LCORL: variants seen among roughly 807,000 people sequenced by gnomAD.
The protein encoded by LCORL is ligand-dependent nuclear receptor corepressor-like protein.
In LCORL, 41 loss-of-function variants were observed where a neutral mutation model predicts 141.8. The ratio of observed to expected loss-of-function variants is 0.29; its 90% CI spans 0.23 to 0.38. The LOEUF is 0.38. LCORL is among the 10% of genes least tolerant of loss of function. The pLI is 1.00. For missense variants in LCORL, 1,759 were observed against 2,035.0 expected (o/e 0.86, Z 2.61); for synonymous variants, 618 against 694.1 (o/e 0.89, Z 1.72).
intron 4 of LCORL, among the ~76,000 whole-genome samples, chr4:17,945,083 T>A (rs528116311): frequency 6.6e-6 from 1 of 152,238 alleles, no homozygotes; most frequent in South Asian, 2.1e-4. Context: ...AATTATAGAT[T>A]CCTTATATCT....
rs748541406 is a variant in LCORL, at chr4:18,021,710, AGCGGCGGCGGCAGCG to A, written c.27_41del (p.Ala18_Ala22del). The A allele has an allele frequency of 6.6e-7, 1 of 1,523,648 alleles. No individual in the cohort carries two copies. Among genetic ancestry groups the A allele is most frequent in the Non-Finnish European group, 8.8e-7 (1 of 1,134,472 alleles). The allele number at this position is 1,523,648 out of a possible 1,614,324, so 94.4% of individuals were successfully genotyped here. A position where few individuals can be genotyped will look rare whatever the true frequency, so the allele number is the denominator to read the frequency against. On this transcript the variant is annotated inframe_deletion, in exon 1 of 8. Coordinates refer to ENST00000635767, the Ensembl canonical transcript of LCORL. This position sits in a 1 kb window ranked among gnomAD's most constrained non-coding sequence, Gnocchi z 5.5. ...GAGCGGCGGCGGCGGCGGCGGCAGC[AGCGGCGGCGGCAGCG>A]GCCATTCTCTCTCTTCCCTTGTCCA...
chr4:17,922,106 T>C (rs577671175), intron 4 of LCORL, among the ~76,000 whole-genome samples: 54 of 152,248 alleles, frequency 3.5e-4, no homozygotes, highest in Admixed American at 1.6e-3. Context: ...CAACTTGTGA[T>C]TGTGTGAGTC....
chr4:17,973,572 C>T (rs1716380473), intron 1 of LCORL, among the ~76,000 whole-genome samples: 1 of 151,534 alleles, frequency 6.6e-6, no homozygotes, highest in Admixed American at 6.6e-5. Flanking sequence ...CAATCAACTA[C>T]AGACATCCAA....
chr4:17,922,826 C>T (rs1734507974), intron 4 of LCORL, among the ~76,000 whole-genome samples: 1 of 152,136 alleles, frequency 6.6e-6, no homozygotes, highest in Non-Finnish European at 1.5e-5. Context: ...TTCTGATGAG[C>T]TTTTAGTCAG....
intron 4 of LCORL, among the ~76,000 whole-genome samples, chr4:17,920,579 CCTCTGTAGCATG>C (rs1734126795): frequency 6.6e-6 from 1 of 152,130 alleles, no homozygotes; most frequent in African/African-American, 2.4e-5. Context: ...AGGAAACATT[CCTCTGTAGCATG>C]TGATGCTATT....
At position 18,021,552 on chromosome 4, in the gene LCORL, G is replaced by A. The variant is rs1051049171; in HGVS notation, c.154+46C>T. The A allele has an allele frequency of 1.5e-5, 23 of 1,485,588 alleles. No homozygotes were observed. Among genetic ancestry groups the A allele is most frequent in the Admixed American group, 2.3e-5 (1 of 43,664 alleles). 92.0% of individuals were successfully genotyped at this position (1,485,588 alleles called of 1,614,324 possible). The stretch of plus-strand genomic sequence containing the variant: ...GCCACAAACTCCTCGGGCTGCGACA[G>A]CGGTCGCCGCGCGGAGCCCGGGGCC... On this transcript the variant is annotated intron_variant, in intron 1 of 7. Coordinates refer to ENST00000635767, the Ensembl canonical transcript of LCORL. The surrounding 1 kb of genome is among the most constrained non-coding windows in gnomAD (Gnocchi z 5.5).
chr4:18,014,062 TCTCCCAAAGTGCTAGGATTAC>T (rs1724243460), intron 1 of LCORL, among the ~76,000 whole-genome samples: 1 of 151,986 alleles, frequency 6.6e-6, no homozygotes, highest in African/African-American at 2.4e-5. Flanking sequence ...CCTGCCTCAG[TCTCCCAAAGTGCTAGGATTAC>T]AGGGATGGGC....
chr4:17,902,260 G>C (rs1332680897), intron 5 of LCORL, among the ~76,000 whole-genome samples: 2 of 152,130 alleles, frequency 1.3e-5, no homozygotes, highest in Non-Finnish European at 2.9e-5. Flanking sequence ...TTCAGCAGGA[G>C]AGCGTAGGCC....
chr4:17,911,874 G>T, intron 4 of LCORL: 1 of 474,786 alleles, frequency 2.1e-6, no homozygotes, highest in South Asian at 1.7e-5. Flanking sequence ...CCGTGGGGAT[G>T]GCCGGGGGTC....
chr4:17,891,504 C>T lies in LCORL; in HGVS notation c.683-5343G>A, dbSNP rs563820455. Among the ~76,000 whole-genome samples the T allele has an allele frequency of 5.8e-4, 88 of 152,042 alleles. 3 individuals are homozygous for T. In the South Asian group the frequency reaches 0.017, roughly 29 times the overall value. ...TAGATTGTACAATTTTTTAAAAACA[C>T]TAAATATTTAAAAAATGGTTACATA... On this transcript the variant is annotated intron_variant, in intron 5 of 7. Transcript: ENST00000635767.
exon 8 of LCORL, chr4:17,842,801 G>C (rs973847803): frequency 1.2e-5 from 2 of 167,814 alleles, no homozygotes; most frequent in African/African-American, 2.4e-5. Flanking sequence ...TGTTAGAGCT[G>C]AAAGTTGGTA....
chr4:17,871,765 ACATGG>A (rs1222436438), intron 7 of LCORL, among the ~76,000 whole-genome samples: 1 of 151,446 alleles, frequency 6.6e-6, no homozygotes, highest in Admixed American at 6.6e-5. Flanking sequence ...CTTTTTCCTG[ACATGG>A]CATTTGATAT....
intron 7 of LCORL, among the ~76,000 whole-genome samples, chr4:17,847,722 C>G (rs909119368): frequency 1.5e-4 from 23 of 152,032 alleles, no homozygotes; most frequent in Non-Finnish European, 3.1e-4. Flanking sequence ...CCTCAGGGAC[C>G]TCATTTTTGT....
intron 4 of LCORL, among the ~76,000 whole-genome samples, chr4:17,951,262 C>A (rs927780188): frequency 6.6e-5 from 10 of 152,134 alleles, no homozygotes; most frequent in African/African-American, 2.4e-4. Context: ...TATTTGTTTA[C>A]ACTATAGTAC....
intron 4 of LCORL, among the ~76,000 whole-genome samples, chr4:17,918,038 T>C (rs1216069473): frequency 3.3e-5 from 5 of 152,212 alleles, no homozygotes; most frequent in Admixed American, 3.3e-4. Flanking sequence ...GGAGCCCCCA[T>C]GGCAAACACT....
intron 7 of LCORL, among the ~76,000 whole-genome samples, chr4:17,858,631 G>A (rs557515295): frequency 3.1e-4 from 47 of 151,944 alleles, no homozygotes; most frequent in Non-Finnish European, 5.4e-4. Context: ...GGGAGGCTGA[G>A]GCAGGAGAAT....
At chr4:17,927,470 G>A (rs1735330452) in intron 4 of LCORL, among the ~76,000 whole-genome samples, 1 of 152,182 alleles carries the variant, frequency 6.6e-6, no homozygotes, top group Non-Finnish European at 1.5e-5. Context: ...TGCAGAAACT[G>A]TTCGATGCAA....
In LCORL at chr4:17,939,879, T is replaced by TACACACACACACACACACACACAC. The variant is rs143670453; in HGVS notation, c.430+22023_430+22024insGTGTGTGTGTGTGTGTGTGTGTGT. Among the ~76,000 whole-genome samples the TACACACACACACACACACACACAC allele has an allele frequency of 1.4e-4, 21 of 147,804 alleles. 1 individual carries two copies. Among genetic ancestry groups the TACACACACACACACACACACACAC allele is most frequent in the African/African-American group, 5.3e-4 (21 of 39,476 alleles). On this transcript the variant is annotated intron_variant, in intron 4 of 7. Transcript: ENST00000635767. ...CCTGGGGAAAAGGAATAGGTACATG[T>TACACACACACACACACACACACAC]ACACACACACACACATATATGTATA... is the stretch of plus-strand genomic sequence containing the variant.
intron 1 of LCORL, among the ~76,000 whole-genome samples, chr4:18,007,365 TTTC>T (rs1722987600): frequency 1.3e-5 from 2 of 152,200 alleles, no homozygotes; most frequent in Admixed American, 1.3e-4. Flanking sequence ...TGCTTACATG[TTTC>T]TTCATGATTC....
Sources: gnomAD v4.1 joint callset for allele counts (sites outside exome capture counted in the v4.1 genomes callset) on GRCh38, gnomAD v4.1.1 for gene constraint, Gnocchi (gnomAD v3.1) non-coding constraint, MANE v1.5 for transcripts, NCBI Gene and HGNC (gene_info 2026-07-23, HGNC 2026-07-21) for gene names.